The following CNTNAP2 variants were observed in gnomAD, a reference collection of about 807,000 sequenced individuals.
The protein encoded by CNTNAP2 is contactin associated protein 2, also known as contactin-associated protein-like 2.
Under a neutral mutation model 155.2 loss-of-function variants are expected in CNTNAP2, and 98 were observed. The observed-to-expected ratio is 0.63, with a 90% CI of 0.54 to 0.75. The LOEUF is 0.75. Among genes scored for constraint, CNTNAP2 ranks in the 30% least tolerant of loss-of-function variants. CNTNAP2 has a pLI of 0.00. For missense variants in CNTNAP2, 1,727 were observed against 1,688.1 expected, an observed-to-expected ratio of 1.02 and a Z score of -0.40; for synonymous variants, 651 against 631.2, an observed-to-expected ratio of 1.03 and a Z score of -0.47.
At chr7:147,548,873 C>T (rs1180259674) in intron 11 of CNTNAP2, among the ~76,000 whole-genome samples, 2 of 152,144 alleles carry the variant, frequency 1.3e-5, no homozygotes, top group Non-Finnish European at 2.9e-5. Flanking sequence ...ATCGTTTCCC[C>T]ATTGCTTGTT....
chr7:148,398,681 G>A (rs1799518830), intron 22 of CNTNAP2, among the ~76,000 whole-genome samples: 1 of 152,148 alleles, frequency 6.6e-6, no homozygotes, highest in South Asian at 2.1e-4. Context: ...GACTTAAGGT[G>A]ATAAAATGTT....
intron 20 of CNTNAP2, among the ~76,000 whole-genome samples, chr7:148,242,172 T>C (rs1796169743): frequency 6.6e-6 from 1 of 152,232 alleles, no homozygotes; most frequent in South Asian, 2.1e-4. Context: ...TATATCCATC[T>C]GCAGTGCACT....
chr7:148,348,086 C>T (rs10282246), intron 21 of CNTNAP2, among the ~76,000 whole-genome samples: 99,261 of 152,014 alleles, frequency 0.65, 32,908 homozygotes, highest in East Asian at 0.95. Context: ...TAGTTCTTCC[C>T]CCTCTTCCCT....
intron 1 of CNTNAP2, among the ~76,000 whole-genome samples, chr7:146,188,457 A>G (rs933854202): frequency 6.6e-6 from 1 of 152,372 alleles, no homozygotes; most frequent in African/African-American, 2.4e-5. Flanking sequence ...AGTTCGAGGC[A>G]GAACCTGAAC....
intron 3 of CNTNAP2, among the ~76,000 whole-genome samples, chr7:146,916,158 G>T (rs12539826): frequency 6.6e-6 from 1 of 152,072 alleles, no homozygotes; most frequent in Admixed American, 6.6e-5. Flanking sequence ...CTGCATCCTT[G>T]TTATGAGACC....
At chr7:146,269,190 A>G (rs560047690) in intron 1 of CNTNAP2, among the ~76,000 whole-genome samples, 1 of 152,184 alleles carries the variant, frequency 6.6e-6, no homozygotes, top group African/African-American at 2.4e-5. Context: ...AATACAAAAA[A>G]TTGGCCAGGC....
chr7:146,435,785 C>T (rs1338857774), intron 1 of CNTNAP2, among the ~76,000 whole-genome samples: 1 of 152,134 alleles, frequency 6.6e-6, no homozygotes, highest in African/African-American at 2.4e-5. Context: ...AGTCGTTCCT[C>T]TCCTCACAAC....
intron 3 of CNTNAP2, among the ~76,000 whole-genome samples, chr7:147,033,160 GTATATATATATA>G (rs3081742): frequency 1.7e-3 from 150 of 90,830 alleles, no homozygotes; most frequent in South Asian, 4.1e-3. Flanking sequence ...ATATATATAT[GTATATATATATA>G]TATATATATA....
intron 13 of CNTNAP2, among the ~76,000 whole-genome samples, chr7:147,671,400 A>G (rs1331780628): frequency 6.6e-6 from 1 of 152,220 alleles, no homozygotes; most frequent in African/African-American, 2.4e-5. Context: ...CTCTCAGAAC[A>G]ACGCTGAGAA....
At chr7:147,527,017 T>TTTC (rs796186023) in intron 11 of CNTNAP2, among the ~76,000 whole-genome samples, 6 of 60,368 alleles carry the variant, frequency 9.9e-5, no homozygotes, top group East Asian at 1.2e-3. Context: ...AGGCATTTCT[T>TTTC]TTTTTTTTTT....
intron 1 of CNTNAP2, among the ~76,000 whole-genome samples, chr7:146,632,362 C>A (rs1046661699): frequency 6.6e-5 from 10 of 152,102 alleles, no homozygotes; most frequent in African/African-American, 2.4e-4. Flanking sequence ...ACTATATGAG[C>A]AACATAGGAC....
intron 13 of CNTNAP2, among the ~76,000 whole-genome samples, chr7:147,758,013 CTG>C (rs1447405041): frequency 1.3e-5 from 2 of 152,110 alleles, no homozygotes; most frequent in Non-Finnish European, 2.9e-5. Context: ...AATAGAAAAA[CTG>C]TGATGAAAGA....
intron 13 of CNTNAP2, among the ~76,000 whole-genome samples, chr7:147,871,293 A>T (rs544059972): frequency 6.6e-6 from 1 of 152,322 alleles, no homozygotes; most frequent in African/African-American, 2.4e-5. Context: ...AAGTCTTGCA[A>T]AAGTAGGCAG....
At chr7:147,259,776 C>T (rs1006928952) in intron 8 of CNTNAP2, among the ~76,000 whole-genome samples, 2 of 152,208 alleles carry the variant, frequency 1.3e-5, no homozygotes, top group Non-Finnish European at 2.9e-5. Context: ...CAAATCAATG[C>T]GAGGGTCAAA....
Position 146,154,310 on chromosome 7 carries a change from T to C in CNTNAP2, c.97+37337T>C, listed in dbSNP as rs1798093588. Among the ~76,000 whole-genome samples the C allele has an allele frequency of 1.3e-5, 2 of 152,224 alleles. 1 individual carries two copies. The highest frequency in any genetic ancestry group is 4.1e-4 in the South Asian group (2 of 4,834). On this transcript the variant is annotated intron_variant, in intron 1 of 23. Coordinates refer to ENST00000361727, the MANE Select transcript of CNTNAP2 (RefSeq NM_014141.6). ...CAACTCCAATTTTATTTTTAATTTT[T>C]GGTTGTTTTTCAGTTTTATGCAAGA...
At chr7:148,136,024 G>GAA (rs1563211103) in intron 16 of CNTNAP2, among the ~76,000 whole-genome samples, 1,391 of 61,004 alleles carry the variant, frequency 0.023, 102 homozygotes, top group African/African-American at 0.11. Flanking sequence ...AGGAAGGGAG[G>GAA]GAGGGAGGGA....
At chr7:148,136,867 G>A (rs764493373) in intron 16 of CNTNAP2, among the ~76,000 whole-genome samples, 16 of 152,100 alleles carry the variant, frequency 1.1e-4, no homozygotes, top group Non-Finnish European at 1.5e-4. Flanking sequence ...TTTTATATGC[G>A]CAGTCTTTAG....
intron 1 of CNTNAP2, among the ~76,000 whole-genome samples, chr7:146,203,722 A>C (rs1378425921): frequency 6.6e-6 from 1 of 152,056 alleles, no homozygotes; most frequent in East Asian, 1.9e-4. Flanking sequence ...TTTTCTGGTT[A>C]ATAGCCCCAT....
At chr7:146,460,222 C>G (rs1414223104) in intron 1 of CNTNAP2, among the ~76,000 whole-genome samples, 1 of 152,010 alleles carries the variant, frequency 6.6e-6, no homozygotes, top group Non-Finnish European at 1.5e-5. Context: ...AAAAGCAGTT[C>G]AATACATTAC....
Sources: allele counts gnomAD v4.1 joint callset (sites outside exome capture counted in the v4.1 genomes callset), GRCh38; gene constraint gnomAD v4.1.1; transcripts MANE v1.5; gene names NCBI Gene and HGNC (gene_info 2026-07-23, HGNC 2026-07-21).